RPN2: variants seen among roughly 807,000 people sequenced by gnomAD.
RPN2 encodes ribophorin II.
A neutral mutation model predicts 71.4 loss-of-function variants in RPN2; 29 were observed. That is an observed-to-expected ratio of 0.41 (90% confidence interval 0.30 to 0.55). The LOEUF (loss-of-function observed/expected upper bound fraction) is 0.55. RPN2 is among the 20% of genes least tolerant of loss of function. RPN2 has a pLI of 0.35. For missense variants in RPN2, 726 were observed against 774.1 expected (o/e 0.94, Z 0.74); for synonymous variants, 308 against 305.0 (o/e 1.01, Z -0.10).
intron 16 of RPN2, among the ~76,000 whole-genome samples, chr20:37,239,251 CTG>C (rs1195280917): frequency 6.6e-6 from 1 of 152,212 alleles, no homozygotes; most frequent in East Asian, 1.9e-4. Flanking sequence ...CAGCCATAGA[CTG>C]TATAAACAAA....
chr20:37,187,570 T>C (rs2146522238), intron 2 of RPN2, among the ~76,000 whole-genome samples: 1 of 152,254 alleles, frequency 6.6e-6, no homozygotes, highest in Non-Finnish European at 1.5e-5. Flanking sequence ...TCTGTCATCT[T>C]GTTATTTGTT....
chr20:37,200,876 A>G (rs374330018), intron 4 of RPN2, among the ~76,000 whole-genome samples: 17 of 152,190 alleles, frequency 1.1e-4, no homozygotes, highest in African/African-American at 4.1e-4. Context: ...ACCTTCTACA[A>G]AAAAAATTCC....
chr20:37,187,501 C>CAAAAAAAAAAAAAAAAAAAAAAAA (rs532495023), intron 2 of RPN2, among the ~76,000 whole-genome samples: 1 of 8,742 alleles, frequency 1.1e-4, no homozygotes, highest in African/African-American at 7.5e-4. Context: ...GACTCCGTCT[C>CAAAAAAAAAAAAAAAAAAAAAAAA]AAAAAAAAAA....
intron 2 of RPN2, among the ~76,000 whole-genome samples, chr20:37,189,391 A>G (rs1316384555): frequency 2.7e-5 from 4 of 150,234 alleles, no homozygotes; most frequent in Non-Finnish European, 3.0e-5. Context: ...ATTGGGTACA[A>G]CTGGTTTTCA....
In RPN2 at chr20:37,203,887, C is replaced by G. The variant is rs2067451390; in HGVS notation, c.482C>G (p.Thr161Arg). Residue 161 changes from threonine (T) to arginine (R), a missense_variant and splice_region_variant, in exon 5 of 17, where the codon ACA (threonine) becomes AGA (arginine). Physicochemically the swap from Thr to Arg is moderately conservative, Grantham distance 71. Coordinates refer to ENST00000237530, the MANE Select transcript of RPN2 (RefSeq NM_002951.5). ...RLSKEETVLATVQALQTASHL... is the reference protein window; with the variant it reads ...RLSKEETVLARVQALQTASHL... ...GGGTTCTACTCTTTACCTTCCAGAACAGTCCAGGCTCTGCAGACAGCATCC... is the reference window on the plus strand; with the variant it reads ...GGGTTCTACTCTTTACCTTCCAGAAGAGTCCAGGCTCTGCAGACAGCATCC... 1 of 1,612,732 alleles carries G rather than the reference C, an allele frequency of 6.2e-7. No homozygotes were observed. Among genetic ancestry groups the G allele is most frequent in the Non-Finnish European group, 8.5e-7 (1 of 1,178,782 alleles).
chr20:37,194,966 G>A (rs555648996), intron 2 of RPN2, among the ~76,000 whole-genome samples: 9 of 152,276 alleles, frequency 5.9e-5, no homozygotes, highest in East Asian at 5.8e-4. Flanking sequence ...ATAGGCCTCC[G>A]TATTTGATTA....
chr20:37,234,106 C>T lies in RPN2; in HGVS notation c.1753+11C>T, dbSNP rs774191999. The T allele has an allele frequency of 1.2e-6, 2 of 1,613,778 alleles. No homozygotes were observed. The highest frequency in any genetic ancestry group is 1.7e-5 in the Admixed American group (1 of 59,976). ...ACCTGGGACATGCTGGTAAGTGCCC[C>T]AGGCTGCTAATTACCTGTAACGTCC... is the stretch of plus-strand genomic sequence containing the variant. On this transcript the variant is annotated intron_variant, in intron 15 of 16. Coordinates refer to ENST00000237530, the MANE Select transcript of RPN2 (RefSeq NM_002951.5).
intron 7 of RPN2, among the ~76,000 whole-genome samples, chr20:37,207,969 G>A (rs958064983): frequency 2.0e-5 from 3 of 152,126 alleles, no homozygotes; most frequent in African/African-American, 7.2e-5. Flanking sequence ...CTCCCTAGAG[G>A]ATTTTAAATA....
intron 9 of RPN2, among the ~76,000 whole-genome samples, chr20:37,222,505 C>T (rs1481544620): frequency 2.0e-5 from 3 of 152,140 alleles, no homozygotes; most frequent in Non-Finnish European, 4.4e-5. Context: ...GAAGGAATTA[C>T]TTGATAGGTA....
intron 2 of RPN2, among the ~76,000 whole-genome samples, chr20:37,185,602 A>T (rs541052433): frequency 2.6e-5 from 4 of 152,142 alleles, no homozygotes; most frequent in African/African-American, 9.7e-5. Flanking sequence ...TTATTGGCTT[A>T]TATGGCTTAT....
intron 2 of RPN2, among the ~76,000 whole-genome samples, chr20:37,184,994 T>C (rs1331603942): frequency 6.6e-6 from 1 of 152,100 alleles, no homozygotes; most frequent in Non-Finnish European, 1.5e-5. Context: ...CCCCTATGTG[T>C]GTGGCTAATA....
At chr20:37,179,691 A>AGGCGGCCTAAGGTTCTGGTCCC (rs1371287219) in intron 1 of RPN2, 1 of 319,364 alleles carries the variant, frequency 3.1e-6, no homozygotes, top group African/African-American at 2.2e-5. Context: ...CTTCTGGGCC[A>AGGCGGCCTAAGGTTCTGGTCCC]GGCGGCCTAA....
At chr20:37,201,174 G>A (rs912013885) in intron 4 of RPN2, among the ~76,000 whole-genome samples, 13 of 150,902 alleles carry the variant, frequency 8.6e-5, no homozygotes, top group African/African-American at 3.2e-4. Flanking sequence ...AGGAAACGGA[G>A]TTCCTTTTCT....
intron 1 of RPN2, among the ~76,000 whole-genome samples, chr20:37,180,389 A>G (rs976318610): frequency 2.0e-4 from 31 of 152,168 alleles, no homozygotes; most frequent in Non-Finnish European, 5.9e-5. Context: ...CCTTGCTTAG[A>G]TGTTGTGAGG....
intron 8 of RPN2, among the ~76,000 whole-genome samples, chr20:37,211,453 A>G (rs2067663711): frequency 6.6e-6 from 1 of 151,092 alleles, no homozygotes; most frequent in Non-Finnish European, 1.5e-5. Context: ...AGCCTGGCCA[A>G]CATGGCGAAA....
intron 10 of RPN2, among the ~76,000 whole-genome samples, chr20:37,224,595 A>T (rs1206173613): frequency 6.6e-6 from 1 of 152,196 alleles, no homozygotes; most frequent in African/African-American, 2.4e-5. Flanking sequence ...TTTTTGAAAC[A>T]TAATCTTCTA....
chr20:37,236,463 G>GC, intron 15 of RPN2, 117 bp from the exon 16 acceptor site: 1 of 1,078,736 alleles, frequency 9.3e-7, no homozygotes, highest in South Asian at 1.3e-5. Flanking sequence ...AATAAAACAA[G>GC]CTGGTATAGG....
intron 15 of RPN2, among the ~76,000 whole-genome samples, chr20:37,234,922 TCCC>T (rs2068345643): frequency 6.6e-6 from 1 of 152,134 alleles, no homozygotes; most frequent in Non-Finnish European, 1.5e-5. Context: ...CAAGCAGTCT[TCCC>T]GCCTTTGGCC....
chr20:37,234,218 C>A, intron 15 of RPN2, 123 bp downstream of exon 15: 1 of 956,086 alleles, frequency 1.0e-6, no homozygotes, highest in Non-Finnish European at 1.6e-6. Context: ...TTACATTTCC[C>A]TCTTCCTCCT....
Sources: gnomAD v4.1 joint callset for allele counts (sites outside exome capture counted in the v4.1 genomes callset) on GRCh38, gnomAD v4.1.1 for gene constraint, MANE v1.5 for transcripts, NCBI Gene and HGNC (gene_info 2026-07-23, HGNC 2026-07-21) for gene names.